The following SHB variants were observed in gnomAD, a reference collection of about 807,000 sequenced individuals.
The protein encoded by SHB is SH2 domain containing adaptor protein B, also known as SH2 domain-containing adapter protein B.
In SHB, 20 loss-of-function variants were observed where a neutral mutation model predicts 52.3. That is an observed-to-expected ratio of 0.38 (90% confidence interval 0.27 to 0.56). The LOEUF (loss-of-function observed/expected upper bound fraction) is 0.56. SHB is among the 20% of genes least tolerant of loss of function. SHB has a pLI of 0.71. For synonymous variants in SHB, 397 were observed against 316.5 expected (o/e 1.25, Z -2.70); for missense variants, 825 against 723.3 (o/e 1.14, Z -1.61).
At position 37,927,952 on chromosome 9, in the gene SHB, T is replaced by C. The variant is rs190436004; in HGVS notation, c.1347-7948A>G. Reference sequence around the variant, plus strand: ...CCTTCCTCTCTTTCTCTTTCTCTCTTTTTTTTTTTTCTACCTCTAATTGAG... The same window carrying C: ...CCTTCCTCTCTTTCTCTTTCTCTCTCTTTTTTTTTTCTACCTCTAATTGAG... On this transcript the variant is annotated intron_variant, in intron 5 of 5. Transcript: ENST00000377707. Among the ~76,000 whole-genome samples, 147 of 146,516 alleles carry C rather than the reference T, an allele frequency of 1.0e-3. No individual in the cohort carries two copies. In the East Asian group the frequency reaches 0.017, roughly 17 times the overall value.
At chr9:38,067,051 AG>A (rs1461774125) in intron 1 of SHB, among the ~76,000 whole-genome samples, 1 of 152,160 alleles carries the variant, frequency 6.6e-6, no homozygotes, top group Non-Finnish European at 1.5e-5. Context: ...AGGAGTGTGA[AG>A]GGGGAGGAGG....
At chr9:37,946,738 G>C (rs1279176424) in intron 5 of SHB, among the ~76,000 whole-genome samples, 5 of 152,180 alleles carry the variant, frequency 3.3e-5, no homozygotes, top group Non-Finnish European at 5.9e-5. Context: ...CTTTCGTGGA[G>C]GCCCCTCCAG....
chr9:37,978,017 T>C (rs1044265538), intron 2 of SHB, among the ~76,000 whole-genome samples: 1 of 152,210 alleles, frequency 6.6e-6, no homozygotes, highest in East Asian at 1.9e-4. Flanking sequence ...TCAGTGAATG[T>C]GGTGGGATAA....
At chr9:37,994,931 G>C (rs2118024318) in intron 2 of SHB, among the ~76,000 whole-genome samples, 2 of 152,282 alleles carry the variant, frequency 1.3e-5, no homozygotes, top group East Asian at 3.9e-4. Context: ...AGGCTGAGAA[G>C]GCATGATCTG....
At chr9:37,999,038 G>GGT (rs1820982047) in intron 2 of SHB, among the ~76,000 whole-genome samples, 2 of 152,198 alleles carry the variant, frequency 1.3e-5, no homozygotes, top group African/African-American at 2.4e-5. Flanking sequence ...AGAGCCCTGG[G>GGT]GAGCCCCTCA....
chr9:37,964,301 C>G (rs192611529), intron 3 of SHB, among the ~76,000 whole-genome samples: 1 of 152,198 alleles, frequency 6.6e-6, no homozygotes, highest in Admixed American at 6.5e-5. Flanking sequence ...GGTGCCAGGA[C>G]GCTGCCTGGG....
intron 1 of SHB, among the ~76,000 whole-genome samples, chr9:38,064,609 A>G (rs1821937674): frequency 6.6e-6 from 1 of 152,174 alleles, no homozygotes; most frequent in Non-Finnish European, 1.5e-5. Flanking sequence ...TGAACTTCCC[A>G]AATTCTTCAA....
chr9:38,024,435 T>C (rs1283902146), intron 1 of SHB, among the ~76,000 whole-genome samples: 1 of 152,232 alleles, frequency 6.6e-6, no homozygotes, highest in African/African-American at 2.4e-5. Flanking sequence ...CGGCCACAGC[T>C]GCTTGCCTAG....
At chr9:38,004,136 G>A (rs1220551055) in intron 2 of SHB, among the ~76,000 whole-genome samples, 1 of 152,194 alleles carries the variant, frequency 6.6e-6, no homozygotes, top group Non-Finnish European at 1.5e-5. Context: ...TCTGCTCCAG[G>A]TTTCTTACTG....
intron 1 of SHB, among the ~76,000 whole-genome samples, chr9:38,020,590 A>T (rs1821269400): frequency 6.6e-6 from 1 of 152,126 alleles, no homozygotes; most frequent in South Asian, 2.1e-4. Flanking sequence ...CATCTCCAGG[A>T]TCTAAGACAT....
chr9:37,974,850 AG>A lies in SHB; in HGVS notation c.839-14del. On this transcript the variant is annotated splice_polypyrimidine_tract_variant and intron_variant, in intron 2 of 5. Coordinates refer to ENST00000377707, the MANE Select transcript of SHB (RefSeq NM_003028.3). ...TGCCTCTGAAATTCTGCAGGCAAAA[AG>A]GAAGGAAGCAGAGATGAAATGGATA... 1 of 1,609,098 alleles carries A rather than the reference AG, an allele frequency of 6.2e-7. No individual in the cohort carries two copies.
chr9:37,979,671 C>G (rs1026438989), intron 2 of SHB, among the ~76,000 whole-genome samples: 2 of 151,632 alleles, frequency 1.3e-5, no homozygotes, highest in African/African-American at 4.8e-5. Flanking sequence ...GGCCCCCCCA[C>G]CAAAGTTGGG....
At chr9:37,998,611 C>T (rs191043069) in intron 2 of SHB, among the ~76,000 whole-genome samples, 215 of 152,284 alleles carry the variant, frequency 1.4e-3, no homozygotes, top group Middle Eastern at 3.4e-3. Context: ...CGCCACCACG[C>T]CCAGCTAATT....
intron 4 of SHB, among the ~76,000 whole-genome samples, chr9:37,949,392 CA>C (rs771495216): frequency 0.25 from 12,145 of 49,562 alleles, 421 homozygotes; most frequent in African/African-American, 0.3. Flanking sequence ...GACTCCATCT[CA>C]AAAAAAAAAA....
chr9:37,992,715 A>T (rs1400589568), intron 2 of SHB, among the ~76,000 whole-genome samples: 4 of 152,206 alleles, frequency 2.6e-5, no homozygotes, highest in African/African-American at 9.6e-5. Context: ...ACCATACAGC[A>T]TGGTGTAAAT....
chr9:37,948,277 G>A lies in SHB; in HGVS notation c.1346+358C>T, dbSNP rs560797420. Reference sequence around the variant, plus strand: ...CCTGTTTACTCATCTGCAAATTGGCGACGATATGTTCCTCAAAAAAATCAA... The same window carrying A: ...CCTGTTTACTCATCTGCAAATTGGCAACGATATGTTCCTCAAAAAAATCAA... On this transcript the variant is annotated intron_variant, in intron 5 of 5. Transcript: ENST00000377707. 2.6e-5 allele frequency among the ~76,000 whole-genome samples: 4 copies of A among 152,292 alleles called. No homozygotes were observed. In the East Asian group the frequency reaches 7.7e-4, roughly 29 times the overall value.
intron 2 of SHB, among the ~76,000 whole-genome samples, chr9:38,011,268 G>A (rs1441209744): frequency 6.6e-6 from 1 of 152,172 alleles, no homozygotes; most frequent in Non-Finnish European, 1.5e-5. Context: ...CAGAGATGAT[G>A]GGGCATGAAG....
intron 3 of SHB, among the ~76,000 whole-genome samples, chr9:37,958,963 TAGAC>T (rs940152757): frequency 3.3e-5 from 5 of 152,198 alleles, no homozygotes; most frequent in Non-Finnish European, 7.3e-5. Context: ...GCACTGGGGC[TAGAC>T]AGACAAATTG....
intron 1 of SHB, among the ~76,000 whole-genome samples, chr9:38,040,005 T>G (rs1445300278): frequency 6.6e-6 from 1 of 152,226 alleles, no homozygotes; most frequent in Non-Finnish European, 1.5e-5. Flanking sequence ...CCCAGGCGTG[T>G]TTACAGCCGC....
Sources: allele counts gnomAD v4.1 joint callset (sites outside exome capture counted in the v4.1 genomes callset), GRCh38; gene constraint gnomAD v4.1.1; transcripts MANE v1.5; gene names NCBI Gene and HGNC (gene_info 2026-07-23, HGNC 2026-07-21).